ERC2: variants seen among roughly 807,000 people sequenced by gnomAD.
ERC2 encodes ELKS/RAB6-interacting/CAST family member 2.
ERC2 carries 42 observed loss-of-function variants against 114.8 expected under a neutral mutation model. The ratio of observed to expected loss-of-function variants is 0.37; its 90% CI spans 0.29 to 0.47. The LOEUF is 0.47. Ranked by LOEUF, ERC2 falls within the 20% of genes least tolerant of loss-of-function variation. ERC2 has a pLI of 0.99. For synonymous variants in ERC2, 454 were observed against 425.5 expected, an observed-to-expected ratio of 1.07 and a Z score of -0.82; for missense variants, 939 against 1,150.7, an observed-to-expected ratio of 0.82 and a Z score of 2.66.
At chr3:55,674,099 T>G (rs528361622) in intron 17 of ERC2, among the ~76,000 whole-genome samples, 2 of 152,302 alleles carry the variant, frequency 1.3e-5, no homozygotes, top group South Asian at 4.2e-4. Flanking sequence ...CACTCCAGCC[T>G]GCCCTGACCT....
rs142624368 is a variant in ERC2 at position 55,829,483 on chromosome 3, A to G, written c.2564+58906T>C. 3.3e-3 allele frequency among the ~76,000 whole-genome samples: 498 copies of G among 152,324 alleles called. 3 individuals are homozygous for G. Among genetic ancestry groups the G allele is most frequent in the African/African-American group, 0.011 (472 of 41,574 alleles). ...AAGTGGAGAAAAAAATTAACAAAAC[A>G]TAAATAGAGCCTCAGAAACCTGTAG... On this transcript the variant is annotated intron_variant, in intron 14 of 17. Transcript: ENST00000288221.
intron 6 of ERC2, among the ~76,000 whole-genome samples, chr3:56,113,781 G>A (rs955786498): frequency 2.0e-5 from 3 of 152,054 alleles, no homozygotes; most frequent in Non-Finnish European, 1.5e-5. Context: ...GGGTCCCCAG[G>A]TTACCTACAC....
intron 3 of ERC2, among the ~76,000 whole-genome samples, chr3:56,228,910 G>A (rs749482403): frequency 3.9e-5 from 6 of 152,180 alleles, no homozygotes; most frequent in Admixed American, 6.5e-5. Flanking sequence ...TGGGGGATGG[G>A]GTAGGGCAGG....
At chr3:55,675,547 T>G (rs2061746571) in intron 17 of ERC2, among the ~76,000 whole-genome samples, 1 of 152,156 alleles carries the variant, frequency 6.6e-6, no homozygotes, top group Admixed American at 6.5e-5. Context: ...GGTTTTCCCC[T>G]TTGGTTGGGG....
At chr3:56,011,523 T>C (rs1242952197) in intron 8 of ERC2, among the ~76,000 whole-genome samples, 1 of 152,114 alleles carries the variant, frequency 6.6e-6, no homozygotes, top group African/African-American at 2.4e-5. Context: ...TGCCTTTGAC[T>C]TTCACACTGA....
At chr3:56,144,340 A>T (rs1377644505) in intron 5 of ERC2, among the ~76,000 whole-genome samples, 3 of 152,242 alleles carry the variant, frequency 2.0e-5, no homozygotes, top group Non-Finnish European at 4.4e-5. Context: ...CTAAAATGAT[A>T]AAAGATACTA....
intron 17 of ERC2, among the ~76,000 whole-genome samples, chr3:55,557,892 C>T (rs1209210297): frequency 3.3e-5 from 5 of 152,224 alleles, no homozygotes; most frequent in African/African-American, 1.2e-4. Context: ...AGCCTTTGCT[C>T]GTGGCCCTCC....
intron 1 of ERC2, among the ~76,000 whole-genome samples, chr3:56,459,656 C>T (rs1391166660): frequency 2.0e-5 from 3 of 152,106 alleles, no homozygotes; most frequent in Admixed American, 2.0e-4. Flanking sequence ...TTGCGGCTGG[C>T]CTTTGGTTTT....
At chr3:55,810,465 CTT>C (rs11318195) in intron 14 of ERC2, among the ~76,000 whole-genome samples, 1 of 146,448 alleles carries the variant, frequency 6.8e-6, no homozygotes, top group Non-Finnish European at 1.5e-5. Context: ...CTCTCTCCCT[CTT>C]TTTTTTTTTG....
intron 14 of ERC2, among the ~76,000 whole-genome samples, chr3:55,832,902 G>C (rs1222056600): frequency 6.6e-6 from 1 of 152,216 alleles, no homozygotes. Flanking sequence ...CCAATACAGA[G>C]AAGTGCTTAA....
chr3:56,149,257 C>A (rs775580685), intron 4 of ERC2, 125 bp from the exon 5 acceptor site: 30 of 872,102 alleles, frequency 3.4e-5, no homozygotes, highest in Non-Finnish European at 4.7e-5. Context: ...TATAGACAGC[C>A]CTGAATTTAG....
At chr3:56,008,014 A>G (rs2072633290) in intron 9 of ERC2, among the ~76,000 whole-genome samples, 1 of 152,206 alleles carries the variant, frequency 6.6e-6, no homozygotes. Context: ...CAAAAACTAC[A>G]GAAATAAATA....
At position 55,734,623 on chromosome 3, in the gene ERC2, C is replaced by T. The variant is rs138401559; in HGVS notation, c.2712+148G>A. The T allele has an allele frequency of 8.0e-4, 681 of 855,238 alleles. 3 individuals are homozygous for T. The African/African-American group carries it at 0.01, about 13-fold the overall frequency. 53.0% of individuals were successfully genotyped at this position (855,238 alleles called of 1,614,324 possible). On this transcript the variant is annotated intron_variant, in intron 15 of 17. Transcript: ENST00000288221. ...GAAAAGCAGTAAAATGGTGTTGCAG[C>T]GACAACTGGGTCCATTGCACTCCTA...
intron 2 of ERC2, among the ~76,000 whole-genome samples, chr3:56,379,350 A>G (rs2059663627): frequency 6.6e-6 from 1 of 152,210 alleles, no homozygotes; most frequent in African/African-American, 2.4e-5. Flanking sequence ...TAGAGATGAA[A>G]AAAAACCAAA....
Position 55,810,042 on chromosome 3 carries a change from A to G in ERC2, c.2565-75124T>C, listed in dbSNP as rs534190879. Among the ~76,000 whole-genome samples the G allele has an allele frequency of 5.3e-5, 8 of 152,298 alleles. No individual in the cohort carries two copies. In the South Asian group the frequency reaches 1.4e-3, roughly 28 times the overall value. On this transcript the variant is annotated intron_variant, in intron 14 of 17. Coordinates refer to ENST00000288221, the MANE Select transcript of ERC2 (RefSeq NM_015576.3). ...GGAGATAAGTCCTTTTCTTCACAAG[A>G]TATGTTTAACTCACTGGCATGTCTA...
At chr3:55,821,126 G>A (rs1163919784) in intron 14 of ERC2, among the ~76,000 whole-genome samples, 1 of 152,154 alleles carries the variant, frequency 6.6e-6, no homozygotes, top group African/African-American at 2.4e-5. Context: ...ATCCTTTTAT[G>A]AGGGGGAGAG....
chr3:55,787,339 C>A (rs892092047), intron 14 of ERC2, among the ~76,000 whole-genome samples: 52 of 152,122 alleles, frequency 3.4e-4, no homozygotes, highest in African/African-American at 1.1e-3. Context: ...TAGCTTGAGC[C>A]CAGGGAGTTG....
intron 14 of ERC2, among the ~76,000 whole-genome samples, chr3:55,773,740 T>A (rs2068397786): frequency 6.6e-6 from 1 of 152,220 alleles, no homozygotes; most frequent in African/African-American, 2.4e-5. Flanking sequence ...TTAAAAAAAA[T>A]CATTGCTGAC....
intron 14 of ERC2, among the ~76,000 whole-genome samples, chr3:55,831,776 C>G (rs540071719): frequency 7.0e-4 from 106 of 152,204 alleles, no homozygotes; most frequent in African/African-American, 2.5e-3. Context: ...TACAACGCAC[C>G]GTGTGTGAGT....
Sources: allele counts gnomAD v4.1 joint callset (sites outside exome capture counted in the v4.1 genomes callset), GRCh38; gene constraint gnomAD v4.1.1; transcripts MANE v1.5; gene names NCBI Gene and HGNC (gene_info 2026-07-23, HGNC 2026-07-21).